The following PIGG variants were observed in gnomAD, a reference collection of about 807,000 sequenced individuals.
PIGG encodes the protein GPI ethanolamine phosphate transferase 2, catalytic subunit.
In PIGG, 70 loss-of-function variants were observed where a neutral mutation model predicts 83.2. The observed-to-expected ratio is 0.84, with a 90% confidence interval of 0.69 to 1.03. The LOEUF (loss-of-function observed/expected upper bound fraction) is 1.03, where lower values mean the gene tolerates loss of function less well. Ranked by LOEUF, PIGG falls within the 50% of genes least tolerant of loss-of-function variation. The pLI, the probability that PIGG is intolerant of heterozygous loss-of-function variation, is 0.00. For synonymous variants in PIGG, 532 were observed against 519.5 expected, an observed-to-expected ratio of 1.02 and a Z score of -0.33; for missense variants, 1,257 against 1,233.6, an observed-to-expected ratio of 1.02 and a Z score of -0.28.
intron 3 of PIGG, chr4:506,628 A>G (rs573054799): frequency 3.3e-5 from 12 of 367,166 alleles, no homozygotes; most frequent in Non-Finnish European, 6.2e-5. Context: ...TCACTGAGAA[A>G]CACTTCTCTT....
Sources: gnomAD v4.1 joint callset for allele counts on GRCh38, gnomAD v4.1.1 for gene constraint, MANE v1.5 for transcripts, NCBI Gene and HGNC (gene_info 2026-07-23, HGNC 2026-07-21) for gene names.